PSMA3: variants seen among roughly 807,000 people sequenced by gnomAD.
PSMA3 encodes the protein proteasome 20S subunit alpha 3.
A neutral mutation model predicts 40.0 loss-of-function variants in PSMA3; 8 were observed. The ratio of observed to expected loss-of-function variants is 0.20; its 90% CI spans 0.12 to 0.36. PSMA3 has a LOEUF of 0.36. Among genes scored for constraint, PSMA3 ranks in the 10% least tolerant of loss-of-function variants. The pLI is 1.00. For missense variants in PSMA3, 219 were observed against 310.6 expected (o/e 0.70, Z 2.22); for synonymous variants, 110 against 100.0 (o/e 1.10, Z -0.59).
Position 58,263,594 on chromosome 14 carries a change from C to G in PSMA3, c.478-111C>G, listed in dbSNP as rs1030365058. ...GTTTGACTATATTTTTCTATACTTG[C>G]TTTTAAAAGTCATTTAGCATCCTTT... On this transcript the variant is annotated intron_variant, in intron 6 of 10. Coordinates refer to ENST00000216455, the MANE Select transcript of PSMA3 (RefSeq NM_002788.4). 8.5e-6 allele frequency: 7 copies of G among 823,246 alleles called. No homozygotes were observed. In the East Asian group the frequency reaches 2.0e-4, roughly 24 times the overall value. The allele number at this position is 823,246 out of a possible 1,614,324, so 51.0% of individuals were successfully genotyped here. A position where few individuals can be genotyped will look rare whatever the true frequency, so the allele number is the denominator to read the frequency against.
At chr14:58,263,448 T>G (rs1890339417) in intron 6 of PSMA3, 1 of 276,158 alleles carries the variant, frequency 3.6e-6, no homozygotes, top group East Asian at 6.8e-5. Context: ...CAAAATGTCT[T>G]AAAGTGTATA....
At chr14:58,264,276 C>T (rs929727820) in intron 7 of PSMA3, among the ~76,000 whole-genome samples, 2 of 152,084 alleles carry the variant, frequency 1.3e-5, no homozygotes, top group Non-Finnish European at 2.9e-5. Context: ...TTCCTATATT[C>T]TTTCTTTGGA....
chr14:58,269,086 C>A (rs916575027), intron 8 of PSMA3, among the ~76,000 whole-genome samples: 5 of 152,064 alleles, frequency 3.3e-5, no homozygotes, highest in African/African-American at 1.2e-4. Flanking sequence ...AGGCGCCCAC[C>A]ACCACACCTG....
In PSMA3 at chr14:58,252,111, T is replaced by G; in HGVS notation, c.105-8T>G. 6.3e-7 allele frequency: 1 copy of G among 1,584,152 alleles called. No individual in the cohort carries two copies. On this transcript the variant is annotated splice_polypyrimidine_tract_variant and splice_region_variant and intron_variant, in intron 2 of 10. Coordinates refer to ENST00000216455, the MANE Select transcript of PSMA3 (RefSeq NM_002788.4). Reference sequence around the variant, plus strand: ...GTTAAAAAACTGATTTTCTTCTCCTTGTTTCAGTACAGCTATTGGAATCAG... The same window carrying G: ...GTTAAAAAACTGATTTTCTTCTCCTGGTTTCAGTACAGCTATTGGAATCAG...
chr14:58,268,593 G>C (rs111296940), intron 8 of PSMA3: 5 of 152,306 alleles, frequency 3.3e-5, no homozygotes, highest in African/African-American at 9.6e-5. Flanking sequence ...CAGCAGAGCT[G>C]CTAAGAAAGG....
At chr14:58,270,909 T>C (rs1890596526) in intron 9 of PSMA3, 25 bp from the exon 10 acceptor site, 1 of 1,557,706 alleles carries the variant, frequency 6.4e-7, no homozygotes. Context: ...TTAAAATTCA[T>C]TTACACATGT....
At position 58,252,198 on chromosome 14, in the gene PSMA3, G is replaced by A. The variant is rs968656732; in HGVS notation, c.184G>A (p.Gly62Ser). 5 of 1,612,736 alleles carry A rather than the reference G, an allele frequency of 3.1e-6. No homozygotes were observed. The highest frequency in any genetic ancestry group is 2.7e-5 in the African/African-American group (2 of 74,822). ...KLVLSKLYEE[G>S]SNKRLFNVDR... is the part of the protein sequence containing the mutation. ...AGTCCTTTCTAAACTTTATGAAGAA[G>A]GTTCCAACAAAAGACTTTTTAATGT... is the stretch of plus-strand genomic sequence containing the variant. Residue 62 changes from glycine (G) to serine (S), a missense_variant, in exon 3 of 11, where the codon GGT becomes AGT. Transcript: ENST00000216455.
rs1890635046 is a variant in PSMA3, at chr14:58,271,831, C to T, written c.724-20C>T. 6.3e-7 allele frequency: 1 copy of T among 1,579,922 alleles called. No individual in the cohort carries two copies. The highest frequency in any genetic ancestry group is 1.3e-5 in the African/African-American group (1 of 74,228). On this transcript the variant is annotated intron_variant, in intron 10 of 10. Transcript: ENST00000216455. ...AACAATTTTAAAAATCAATTTTAAA[C>T]ACCTGTTTTCTCTTAACAGGAATCT...
chr14:58,263,509 T>G, intron 6 of PSMA3, 196 bp from the exon 7 acceptor site: 1 of 428,146 alleles, frequency 2.3e-6, no homozygotes, highest in East Asian at 3.7e-5. Flanking sequence ...AAAATACAGG[T>G]TGTTTTGGAA....
chr14:58,254,065 C>T (rs2140083404), intron 3 of PSMA3, among the ~76,000 whole-genome samples: 1 of 151,752 alleles, frequency 6.6e-6, no homozygotes, highest in African/African-American at 2.4e-5. Context: ...CACCCTCCAC[C>T]CTCAAGTAGG....
chr14:58,244,883 G>C lies in PSMA3; in HGVS notation c.-38G>C, dbSNP rs200837709. 13 of 1,614,078 alleles carry C rather than the reference G, an allele frequency of 8.1e-6. No homozygotes were observed. In the African/African-American group the frequency reaches 9.3e-5, roughly 12 times the overall value. ...CCTGTGGTATAGGGGAAGCGCTCCG[G>C]GCCTGGAATCCCTACGCGTCCCTTT... On this transcript the variant is annotated 5_prime_UTR_variant, in exon 1 of 11. Transcript: ENST00000216455.
At chr14:58,257,648 T>C in intron 3 of PSMA3, 97 bp from the exon 4 acceptor site, 1 of 1,086,294 alleles carries the variant, frequency 9.2e-7, no homozygotes, top group Non-Finnish European at 1.4e-6. Flanking sequence ...TGAATGGTAA[T>C]ACTTGTTAAA....
chr14:58,246,695 C>T (rs985814327), intron 1 of PSMA3, among the ~76,000 whole-genome samples: 2 of 152,172 alleles, frequency 1.3e-5, no homozygotes, highest in African/African-American at 4.8e-5. Flanking sequence ...TCACGCCTGG[C>T]CTAGCAAGTT....
At chr14:58,256,121 T>TG (rs1890138945) in intron 3 of PSMA3, among the ~76,000 whole-genome samples, 1 of 152,150 alleles carries the variant, frequency 6.6e-6, no homozygotes, top group Non-Finnish European at 1.5e-5. Context: ...CCCAAAGTGC[T>TG]GGGATCACAG....
intron 5 of PSMA3, among the ~76,000 whole-genome samples, chr14:58,259,528 T>C (rs549769762): frequency 9.2e-5 from 14 of 152,254 alleles, no homozygotes; most frequent in Non-Finnish European, 1.8e-4. Context: ...TTGGCCAGGC[T>C]GGTCTCAAAC....
intron 3 of PSMA3, among the ~76,000 whole-genome samples, chr14:58,252,497 A>G (rs968872080): frequency 1.3e-5 from 2 of 152,200 alleles, no homozygotes; most frequent in African/African-American, 4.8e-5. Flanking sequence ...AGCACACATT[A>G]CTAATGAAGG....
intron 6 of PSMA3, among the ~76,000 whole-genome samples, chr14:58,262,985 CTTTTT>C (rs5808966): frequency 2.3e-5 from 3 of 131,686 alleles, no homozygotes. Flanking sequence ...TGTGTACATC[CTTTTT>C]TTTTTTTTTT....
intron 8 of PSMA3, chr14:58,267,737 C>T: frequency 1.2e-6 from 1 of 845,414 alleles, no homozygotes; most frequent in East Asian, 5.0e-5. Context: ...AATAGCTTGA[C>T]AAAATAAACT....
chr14:58,270,315 T>C, intron 8 of PSMA3, 103 bp from the exon 9 acceptor site: 1 of 1,486,678 alleles, frequency 6.7e-7, no homozygotes, highest in Non-Finnish European at 9.1e-7. Context: ...TTATAGATAC[T>C]TTTATTATGG....
Sources: gnomAD v4.1 joint callset for allele counts (sites outside exome capture counted in the v4.1 genomes callset) on GRCh38, gnomAD v4.1.1 for gene constraint, MANE v1.5 for transcripts, NCBI Gene and HGNC (gene_info 2026-07-23, HGNC 2026-07-21) for gene names.